WDR59: variants seen among roughly 807,000 people sequenced by gnomAD.
The protein encoded by WDR59 is GATOR2 complex protein WDR59.
Under a neutral mutation model 131.2 loss-of-function variants are expected in WDR59, and 100 were observed. That is an observed-to-expected ratio of 0.76 (90% CI 0.65 to 0.90). WDR59 has a LOEUF of 0.90. WDR59 is among the 40% of genes least tolerant of loss of function. The pLI is 0.00. For synonymous variants in WDR59, 601 were observed against 466.2 expected, an observed-to-expected ratio of 1.29 and a Z score of -3.72; for missense variants, 1,203 against 1,262.2, an observed-to-expected ratio of 0.95 and a Z score of 0.71.
At chr16:74,983,248 G>A (rs1206950832) in intron 1 of WDR59, among the ~76,000 whole-genome samples, 1 of 152,048 alleles carries the variant, frequency 6.6e-6, no homozygotes, top group Non-Finnish European at 1.5e-5. Flanking sequence ...CAAGGCAGAT[G>A]GATCACTTGA....
chr16:74,873,984 C>G lies in WDR59; in HGVS notation c.*225G>C, dbSNP rs750189092. 3 of 560,796 alleles carry G rather than the reference C, an allele frequency of 5.3e-6. No homozygotes were observed. In the African/African-American group the frequency reaches 5.6e-5, roughly 11 times the overall value. The allele number at this position is 560,796 out of a possible 1,614,324, so 34.7% of individuals were successfully genotyped here. ...CATAGACAACACACAAAGCGCAGCT[C>G]TGCACTTCTGTCCTTATCTTCACAC... is the stretch of plus-strand genomic sequence containing the variant. On this transcript the variant is annotated 3_prime_UTR_variant, in exon 26 of 26. Transcript: ENST00000262144.
chr16:74,964,942 T>A (rs1303180175), intron 2 of WDR59, among the ~76,000 whole-genome samples: 1 of 151,900 alleles, frequency 6.6e-6, no homozygotes, highest in Non-Finnish European at 1.5e-5. Context: ...CACGTGCCTA[T>A]AATCCCAGCT....
intron 24 of WDR59, 99 bp from the exon 25 acceptor site, chr16:74,885,894 G>A: frequency 1.4e-6 from 2 of 1,422,452 alleles, no homozygotes; most frequent in African/African-American, 1.4e-5. Context: ...CAACAGTCCT[G>A]GCCAGGCACG....
chr16:74,971,661 G>A (rs1477571923), intron 1 of WDR59, among the ~76,000 whole-genome samples: 3 of 151,928 alleles, frequency 2.0e-5, no homozygotes, highest in African/African-American at 7.3e-5. Flanking sequence ...TCGAACTACT[G>A]ACCTTAAGTG....
Position 74,956,539 on chromosome 16 carries a change from T to G in WDR59, c.176A>C (p.Lys59Thr), listed in dbSNP as rs1315288993. 6.2e-7 allele frequency: 1 copy of G among 1,614,076 alleles called. No individual in the cohort carries two copies. The change falls in exon 3 of 26, where the codon AAA (lysine) becomes ACA (threonine). Residue 59 changes from lysine (K) to threonine (T), a missense_variant. Coordinates refer to ENST00000262144, the MANE Select transcript of WDR59 (RefSeq NM_030581.4). The stretch of plus-strand genomic sequence containing the variant: ...CCACTGCACAGCTCCAATGTCCCAT[T>G]TGCTCTGGCGAGAGATCTTTCGGTG... ...EGHRKISRQS[K>T]WDIGAVQWNP...
intron 25 of WDR59, among the ~76,000 whole-genome samples, chr16:74,879,135 T>C (rs1964357461): frequency 1.3e-5 from 2 of 152,108 alleles, no homozygotes. Context: ...GGGGTATCGC[T>C]TGAGCCCAGG....
intron 8 of WDR59, among the ~76,000 whole-genome samples, chr16:74,929,733 T>C (rs563449189): frequency 6.6e-6 from 1 of 152,288 alleles, no homozygotes; most frequent in East Asian, 1.9e-4. Flanking sequence ...TGCATGCCCA[T>C]ATTTATTGCA....
intron 1 of WDR59, among the ~76,000 whole-genome samples, chr16:74,981,720 A>C (rs1361268886): frequency 8.0e-6 from 1 of 124,346 alleles, no homozygotes; most frequent in Admixed American, 8.5e-5. Context: ...CAGTGGTGAG[A>C]TCTTGGCTCA....
At position 74,899,671 on chromosome 16, in the gene WDR59, G is replaced by A. The variant is rs1039525908; in HGVS notation, c.1866+4276C>T. ...CTCGGGTAGAGACAGGATTAGTTAAGGAGAGCATTTGCACAGCGCACAGTA... is the reference window on the plus strand; with the variant it reads ...CTCGGGTAGAGACAGGATTAGTTAAAGAGAGCATTTGCACAGCGCACAGTA... On this transcript the variant is annotated intron_variant, in intron 18 of 25. Coordinates refer to ENST00000262144, the MANE Select transcript of WDR59 (RefSeq NM_030581.4). The A allele has an allele frequency of 2.3e-6, 3 of 1,288,136 alleles. No homozygotes were observed. The African/African-American group carries it at 4.6e-5, about 20-fold the overall frequency. The allele number at this position is 1,288,136 out of a possible 1,614,324, so 79.8% of individuals were successfully genotyped here. A position where few individuals can be genotyped will look rare whatever the true frequency, so the allele number is the denominator to read the frequency against.
intron 3 of WDR59, among the ~76,000 whole-genome samples, chr16:74,953,731 G>C (rs1323946075): frequency 6.6e-6 from 1 of 151,914 alleles, no homozygotes; most frequent in Non-Finnish European, 1.5e-5. Flanking sequence ...GCCGGGCGTG[G>C]TGTCTCATGC....
chr16:74,899,813 G>C, intron 18 of WDR59: 2 of 1,175,678 alleles, frequency 1.7e-6, no homozygotes, highest in Non-Finnish European at 2.3e-6. Flanking sequence ...AAAATTAAAA[G>C]GGAAAAATAT....
At chr16:74,878,447 C>T (rs955958989) in intron 25 of WDR59, among the ~76,000 whole-genome samples, 13 of 152,110 alleles carry the variant, frequency 8.5e-5, no homozygotes, top group African/African-American at 1.9e-4. Flanking sequence ...TGAGGCCAGG[C>T]GTTCGAGACC....
intron 11 of WDR59, among the ~76,000 whole-genome samples, chr16:74,917,511 T>C (rs747728523): frequency 9.9e-5 from 15 of 152,126 alleles, no homozygotes; most frequent in Non-Finnish European, 4.4e-5. Flanking sequence ...AGTAAGTATG[T>C]ATTAAATGTC....
At chr16:74,925,036 T>G (rs2030638591) in intron 8 of WDR59, among the ~76,000 whole-genome samples, 1 of 152,206 alleles carries the variant, frequency 6.6e-6, no homozygotes, top group African/African-American at 2.4e-5. Flanking sequence ...AACCCATATA[T>G]GAATGTTTAT....
chr16:74,935,843 A>G (rs1481836568), intron 8 of WDR59, among the ~76,000 whole-genome samples: 1 of 152,058 alleles, frequency 6.6e-6, no homozygotes, highest in Non-Finnish European at 1.5e-5. Context: ...CTAAAAACAC[A>G]AAAGTTAGCT....
intron 1 of WDR59, among the ~76,000 whole-genome samples, chr16:74,981,470 A>C (rs2145263707): frequency 6.7e-6 from 1 of 150,312 alleles, no homozygotes; most frequent in South Asian, 2.1e-4. Context: ...AGGTGGGAAG[A>C]TCACTTGATA....
At chr16:74,968,437 TG>T (rs2033859174) in intron 1 of WDR59, among the ~76,000 whole-genome samples, 1 of 151,994 alleles carries the variant, frequency 6.6e-6, no homozygotes, top group African/African-American at 2.4e-5. Context: ...ATGCTAAATA[TG>T]GACCGGGTGC....
intron 9 of WDR59, among the ~76,000 whole-genome samples, chr16:74,922,676 T>TA (rs2030364229): frequency 6.6e-6 from 1 of 152,238 alleles, no homozygotes; most frequent in African/African-American, 2.4e-5. Flanking sequence ...ATTCAGTTGA[T>TA]AATTAGACTC....
Position 74,909,601 on chromosome 16 carries a change from G to C in WDR59, c.1542C>G (p.Pro514=). Residue 514 remains proline (P), a synonymous_variant, in exon 16 of 26, where the codon CCC becomes CCG. Transcript: ENST00000262144. ...TCACCCGCGCAAACGTCGGTAAGGG[G>C]GGAGTGACAGAGTTGGGGAGTGCAA... The part of the protein sequence containing the change: ...NPFALPNSVT[P]PLPTFARVTT... The C allele has an allele frequency of 3.7e-6, 6 of 1,609,146 alleles. No homozygotes were observed. Among genetic ancestry groups the C allele is most frequent in the Non-Finnish European group, 5.1e-6 (6 of 1,178,140 alleles).
Sources: gnomAD v4.1 joint callset for allele counts (sites outside exome capture counted in the v4.1 genomes callset) on GRCh38, gnomAD v4.1.1 for gene constraint, MANE v1.5 for transcripts, NCBI Gene and HGNC (gene_info 2026-07-23, HGNC 2026-07-21) for gene names.